The following DIAPH2 variants were observed in gnomAD, a reference collection of about 807,000 sequenced individuals.
DIAPH2 encodes the protein diaphanous related formin 2.
DIAPH2 carries 35 observed loss-of-function variants against 92.7 expected under a neutral mutation model. The ratio of observed to expected loss-of-function variants is 0.38; its 90% CI spans 0.29 to 0.50. DIAPH2 has a LOEUF of 0.50. DIAPH2 is among the 20% of genes least tolerant of loss of function. DIAPH2 has a pLI of 0.94. For missense variants in DIAPH2, 701 were observed against 819.5 expected (o/e 0.86, Z 1.77); for synonymous variants, 301 against 280.4 (o/e 1.07, Z -0.73).
At chrX:96,980,498 A>C (rs2065989044) in intron 17 of DIAPH2, among the ~76,000 whole-genome samples, 1 of 110,129 alleles carries the variant, frequency 9.1e-6, no homozygotes, top group Non-Finnish European at 1.9e-5. Flanking sequence ...GGTGGGTCAG[A>C]GTTGGTTTTG....
In DIAPH2 at chrX:97,348,105, C is replaced by T. The variant is rs747402239; in HGVS notation, c.2845-11C>T. 2 of 1,209,260 alleles carry T rather than the reference C, an allele frequency of 1.7e-6. No homozygotes were observed. The highest frequency in any genetic ancestry group is 2.2e-5 in the Admixed American group (1 of 45,824). On this transcript the variant is annotated splice_polypyrimidine_tract_variant and intron_variant, in intron 23 of 26. Transcript: ENST00000324765. ...GGTACTGTTGAGCCATGTTCCTTAACAAAAAGCTACAGCTTTACAAAGACT... is the reference window on the plus strand; with the variant it reads ...GGTACTGTTGAGCCATGTTCCTTAATAAAAAGCTACAGCTTTACAAAGACT...
intron 22 of DIAPH2, among the ~76,000 whole-genome samples, chrX:97,210,087 A>G (rs1326816886): frequency 9.0e-6 from 1 of 111,731 alleles, no homozygotes; most frequent in Non-Finnish European, 1.9e-5. Context: ...TAATTATACT[A>G]TAATAATCTC....
At chrX:97,001,311 G>A (rs1211706450) in intron 17 of DIAPH2, among the ~76,000 whole-genome samples, 1 of 111,956 alleles carries the variant, frequency 8.9e-6, no homozygotes, top group African/African-American at 3.3e-5. Context: ...ATACAAAACT[G>A]GGTAAATACA....
intron 17 of DIAPH2, among the ~76,000 whole-genome samples, chrX:97,056,639 A>G (rs561500686): frequency 9.0e-6 from 1 of 111,652 alleles, no homozygotes; most frequent in South Asian, 3.7e-4. Flanking sequence ...GTAATTTTCT[A>G]TGTCTGGTAT....
At chrX:97,293,575 T>C (rs2068618116) in intron 23 of DIAPH2, among the ~76,000 whole-genome samples, 1 of 111,861 alleles carries the variant, frequency 8.9e-6, no homozygotes, top group Non-Finnish European at 1.9e-5. Flanking sequence ...TTTATTATTA[T>C]TTTGTGTATG....
At chrX:97,420,965 A>G in intron 25 of DIAPH2, among the ~76,000 whole-genome samples, 1 of 112,246 alleles carries the variant, frequency 8.9e-6, no homozygotes, top group Non-Finnish European at 1.9e-5. Context: ...TTCATAGACT[A>G]TTATCTTAGT....
intron 26 of DIAPH2, among the ~76,000 whole-genome samples, chrX:97,534,848 T>C (rs992836015): frequency 1.1e-4 from 12 of 111,857 alleles, no homozygotes; most frequent in African/African-American, 3.9e-4. Flanking sequence ...TCATTAGAGA[T>C]AGTGATAAGA....
rs758435127 is a variant in DIAPH2, at chrX:97,566,133, C to T, written c.3242-33120C>T. ...CATATTAAGTTGTTCCAGACTAATGCGTGTTTTCCAGAGAGTACATTATTA... is the reference window on the plus strand; with the variant it reads ...CATATTAAGTTGTTCCAGACTAATGTGTGTTTTCCAGAGAGTACATTATTA... On this transcript the variant is annotated intron_variant, in intron 26 of 26. Transcript: ENST00000324765. Among the ~76,000 whole-genome samples the T allele has an allele frequency of 2.4e-4, 27 of 111,905 alleles. No individual in the cohort carries two copies. The South Asian group carries it at 9.3e-3, about 38-fold the overall frequency.
At chrX:96,808,740 G>T (rs901892333) in intron 4 of DIAPH2, among the ~76,000 whole-genome samples, 4 of 111,866 alleles carry the variant, frequency 3.6e-5, no homozygotes, top group African/African-American at 1.3e-4. Context: ...AATCATTGGT[G>T]TTGGACTGTA....
intron 25 of DIAPH2, among the ~76,000 whole-genome samples, chrX:97,400,277 G>C (rs1356264565): frequency 8.9e-6 from 1 of 112,084 alleles, no homozygotes; most frequent in African/African-American, 3.2e-5. Flanking sequence ...TCCAACATGA[G>C]TATTTGTATG....
At chrX:96,928,446 T>C (rs945950252) in intron 9 of DIAPH2, among the ~76,000 whole-genome samples, 2 of 111,482 alleles carry the variant, frequency 1.8e-5, no homozygotes, top group Non-Finnish European at 3.8e-5. Context: ...AATTTTGTAT[T>C]TGTAAATAGT....
intron 24 of DIAPH2, among the ~76,000 whole-genome samples, chrX:97,359,404 G>A (rs760931218): frequency 2.7e-5 from 3 of 109,381 alleles, no homozygotes; most frequent in East Asian, 2.8e-4. Flanking sequence ...GCAATGTTAC[G>A]ATTTAAAATG....
intron 26 of DIAPH2, among the ~76,000 whole-genome samples, chrX:97,440,007 G>A (rs2070236922): frequency 9.0e-6 from 1 of 110,974 alleles, no homozygotes; most frequent in Admixed American, 9.6e-5. Flanking sequence ...ATAACATGAG[G>A]GTGGGTCAGA....
At chrX:97,401,547 G>A (rs1441949419) in intron 25 of DIAPH2, among the ~76,000 whole-genome samples, 1 of 111,544 alleles carries the variant, frequency 9.0e-6, no homozygotes, top group Non-Finnish European at 1.9e-5. Flanking sequence ...ATCTTGGCAG[G>A]TGCCTCAGGA....
chrX:97,412,082 G>A (rs755773316), intron 25 of DIAPH2, among the ~76,000 whole-genome samples: 13 of 111,824 alleles, frequency 1.2e-4, no homozygotes, highest in African/African-American at 3.9e-4. Flanking sequence ...CTCTCCACCC[G>A]AAATCAACAG....
intron 4 of DIAPH2, among the ~76,000 whole-genome samples, chrX:96,784,261 A>T (rs2064439281): frequency 1.8e-5 from 2 of 112,243 alleles, no homozygotes; most frequent in African/African-American, 6.5e-5. Context: ...TAGTATGTGT[A>T]TCATCTGTAT....
At chrX:97,290,634 G>T (rs1254511838) in intron 23 of DIAPH2, among the ~76,000 whole-genome samples, 1 of 112,510 alleles carries the variant, frequency 8.9e-6, no homozygotes, top group East Asian at 2.8e-4. Flanking sequence ...CAGGAAGTTG[G>T]CCCTGGGTTT....
intron 17 of DIAPH2, among the ~76,000 whole-genome samples, chrX:96,975,761 C>T (rs1433251978): frequency 9.0e-6 from 1 of 110,891 alleles, no homozygotes; most frequent in African/African-American, 3.3e-5. Flanking sequence ...AGGGTAGCTT[C>T]TTTCTGTAAC....
chrX:96,942,924 A>ACAGCACAAGGCAGATACACAGTAACATTC (rs755176303), intron 13 of DIAPH2, among the ~76,000 whole-genome samples: 7,389 of 111,117 alleles, frequency 0.066, 278 homozygotes, highest in African/African-American at 0.11. Flanking sequence ...TTTTGACTCC[A>ACAGCACAAGGCAGATACACAGTAACATTC]CAGCACAAGG....
Sources: allele counts gnomAD v4.1 joint callset (sites outside exome capture counted in the v4.1 genomes callset), GRCh38; gene constraint gnomAD v4.1.1; transcripts MANE v1.5; gene names NCBI Gene and HGNC (gene_info 2026-07-23, HGNC 2026-07-21).